The following ZMYM2 variants were observed in gnomAD, a reference collection of about 807,000 sequenced individuals.
ZMYM2 encodes zinc finger MYM-type containing 2, also known as zinc finger MYM-type protein 2.
A neutral mutation model predicts 162.8 loss-of-function variants in ZMYM2; 56 were observed. That is an observed-to-expected ratio of 0.34 (90% confidence interval 0.28 to 0.43). ZMYM2 has a LOEUF of 0.43. Ranked by LOEUF, ZMYM2 falls within the 20% of genes least tolerant of loss-of-function variation. The pLI, the probability that ZMYM2 is intolerant of heterozygous loss-of-function variation, is 1.00. For missense variants in ZMYM2, 1,275 were observed against 1,621.8 expected, an observed-to-expected ratio of 0.79 and a Z score of 3.67; for synonymous variants, 510 against 541.6, an observed-to-expected ratio of 0.94 and a Z score of 0.81.
intron 16 of ZMYM2, among the ~76,000 whole-genome samples, chr13:20,059,901 G>A (rs553421793): frequency 2.4e-4 from 36 of 152,182 alleles, no homozygotes; most frequent in African/African-American, 8.7e-4. Flanking sequence ...AGGCACAGTG[G>A]CATATACCTG....
At chr13:20,041,710 C>T (rs1304817379) in intron 12 of ZMYM2, among the ~76,000 whole-genome samples, 1 of 152,090 alleles carries the variant, frequency 6.6e-6, no homozygotes, top group Non-Finnish European at 1.5e-5. Flanking sequence ...TTAGTGCTTC[C>T]TTCAAGAGCT....
chr13:20,043,760 C>T (rs1566379347), intron 12 of ZMYM2, among the ~76,000 whole-genome samples: 1 of 151,974 alleles, frequency 6.6e-6, no homozygotes, highest in African/African-American at 2.4e-5. Flanking sequence ...CACACACACA[C>T]GTGGGTGCTG....
At chr13:20,014,377 A>G (rs907181504) in intron 6 of ZMYM2, among the ~76,000 whole-genome samples, 1 of 152,040 alleles carries the variant, frequency 6.6e-6, no homozygotes, top group African/African-American at 2.4e-5. Flanking sequence ...CGGCCAGGAC[A>G]TTTTTGATGA....
chr13:19,933,583 T>G, the ZMYM2 span, among the ~76,000 whole-genome samples: 1 of 152,116 alleles, frequency 6.6e-6, no homozygotes, highest in Non-Finnish European at 1.5e-5. Flanking sequence ...AATTAGTATT[T>G]TGGGGATCAA....
chr13:20,031,493 A>G, intron 10 of ZMYM2, 58 bp downstream of exon 10: 1 of 1,130,386 alleles, frequency 8.8e-7, no homozygotes, highest in Non-Finnish European at 1.2e-6. Flanking sequence ...CTAGTAAAAT[A>G]AGTGTTGTAT....
In ZMYM2 at chr13:20,051,253, G is replaced by GCATCTTTTTTTTTT. The variant is rs369364385; in HGVS notation, c.2293-180_2293-179insCATCTTTTTTTTTT. Among the ~76,000 whole-genome samples, 11 of 74,204 alleles carry GCATCTTTTTTTTTT rather than the reference G, an allele frequency of 1.5e-4. 3 individuals carry two copies. Among genetic ancestry groups the GCATCTTTTTTTTTT allele is most frequent in the African/African-American group, 1.7e-4 (4 of 23,214 alleles). 48.7% of individuals were successfully genotyped at this position (74,204 alleles called of 152,430 possible). On this transcript the variant is annotated intron_variant, in intron 12 of 24. Coordinates refer to ENST00000610343, the MANE Select transcript of ZMYM2 (RefSeq NM_197968.4). ...GATGGACTTTGTCAACTGTGAAATT[G>GCATCTTTTTTTTTT]TATTTTTTTTTTTTTTTTTCATTTA... is the stretch of plus-strand genomic sequence containing the variant.
At chr13:20,058,753 C>T (rs74708086) in intron 15 of ZMYM2, 49 bp downstream of exon 15, 37,318 of 1,599,172 alleles carry the variant, frequency 0.023, 512 homozygotes, top group Non-Finnish European at 0.028. Flanking sequence ...CTTCATCTCA[C>T]CTAATGAAAT....
the ZMYM2 span, among the ~76,000 whole-genome samples, chr13:19,916,985 C>T: frequency 2.0e-5 from 3 of 152,122 alleles, no homozygotes; most frequent in Non-Finnish European, 2.9e-5. Flanking sequence ...TATTTTGAGA[C>T]GGAGTCTCGC....
chr13:20,068,828 A>G (rs1036146839), intron 21 of ZMYM2, among the ~76,000 whole-genome samples: 2 of 152,176 alleles, frequency 1.3e-5, no homozygotes, highest in African/African-American at 4.8e-5. Context: ...CTCAGCAGGA[A>G]GAGAGTTTGA....
intron 7 of ZMYM2, chr13:20,026,405 A>C (rs2140251581): frequency 2.3e-6 from 1 of 434,770 alleles, no homozygotes; most frequent in South Asian, 5.5e-5. Context: ...TTTGAAGGCG[A>C]CTTAGCTGAT....
intron 2 of ZMYM2, among the ~76,000 whole-genome samples, chr13:19,982,804 T>A (rs901858830): frequency 1.3e-5 from 2 of 152,232 alleles, no homozygotes; most frequent in Non-Finnish European, 2.9e-5. Context: ...GTGGATTCAG[T>A]GTTTACCTTT....
chr13:20,074,617 CA>C (rs1957352963), intron 21 of ZMYM2, among the ~76,000 whole-genome samples: 1 of 150,384 alleles, frequency 6.6e-6, no homozygotes, highest in African/African-American at 2.5e-5. Flanking sequence ...CAGCTCACTG[CA>C]AGCTCCGCCT....
chr13:19,916,841 C>T, the ZMYM2 span, among the ~76,000 whole-genome samples: 1 of 152,146 alleles, frequency 6.6e-6, no homozygotes, highest in Non-Finnish European at 1.5e-5. Flanking sequence ...TGCACATGTA[C>T]CCTAGAACTT....
chr13:19,969,591 G>A (rs1246199213), intron 2 of ZMYM2, among the ~76,000 whole-genome samples: 2 of 152,138 alleles, frequency 1.3e-5, no homozygotes, highest in Non-Finnish European at 2.9e-5. Context: ...TATGAAGGAA[G>A]GGATTGAATA....
the ZMYM2 span, among the ~76,000 whole-genome samples, chr13:19,887,870 T>G: frequency 6.6e-6 from 1 of 151,448 alleles, no homozygotes; most frequent in Non-Finnish European, 1.5e-5. Context: ...ACTCTTCAAT[T>G]GGCCTTCAAG....
intron 17 of ZMYM2, among the ~76,000 whole-genome samples, chr13:20,062,048 C>T (rs1481295633): frequency 6.6e-6 from 1 of 152,134 alleles, no homozygotes; most frequent in Non-Finnish European, 1.5e-5. Flanking sequence ...ACCCTTAACC[C>T]TCTCTTGATA....
At chr13:19,866,873 G>A in the ZMYM2 span, among the ~76,000 whole-genome samples, 1 of 151,870 alleles carries the variant, frequency 6.6e-6, no homozygotes, top group African/African-American at 2.4e-5. Flanking sequence ...CAGCATCTGG[G>A]TGCAGAGTGA....
At chr13:20,054,327 T>C (rs1955616149) in intron 14 of ZMYM2, among the ~76,000 whole-genome samples, 1 of 152,242 alleles carries the variant, frequency 6.6e-6, no homozygotes, top group Non-Finnish European at 1.5e-5. Context: ...AGAGGCAGTA[T>C]GTATAGTAAA....
chr13:19,926,916 C>T, the ZMYM2 span, among the ~76,000 whole-genome samples: 1 of 152,228 alleles, frequency 6.6e-6, no homozygotes, highest in Non-Finnish European at 1.5e-5. Flanking sequence ...AATTTGCCTG[C>T]TTCAGTCTCC....
Sources: allele counts gnomAD v4.1 joint callset (sites outside exome capture counted in the v4.1 genomes callset), GRCh38; gene constraint gnomAD v4.1.1; transcripts MANE v1.5; gene names NCBI Gene and HGNC (gene_info 2026-07-23, HGNC 2026-07-21).